The following FNTA variants were observed in gnomAD, a reference collection of about 807,000 sequenced individuals.
The protein encoded by FNTA is farnesyltransferase, CAAX box, subunit alpha.
FNTA carries 27 observed loss-of-function variants against 55.2 expected under a neutral mutation model. That is an observed-to-expected ratio of 0.49 (90% CI 0.36 to 0.67). The LOEUF is 0.67. Among genes scored for constraint, FNTA ranks in the 30% least tolerant of loss-of-function variants. FNTA has a pLI of 0.00. For missense variants in FNTA, 422 were observed against 464.7 expected (o/e 0.91, Z 0.85); for synonymous variants, 176 against 170.7 (o/e 1.03, Z -0.24).
intron 3 of FNTA, among the ~76,000 whole-genome samples, chr8:43,069,203 C>T (rs966409929): frequency 4.0e-5 from 6 of 151,776 alleles, no homozygotes. Context: ...GCAACCTCTG[C>T]CTCCTGGGTT....
At chr8:43,072,533 C>T (rs1050980906) in intron 5 of FNTA, among the ~76,000 whole-genome samples, 2 of 151,928 alleles carry the variant, frequency 1.3e-5, no homozygotes, top group Non-Finnish European at 2.9e-5. Flanking sequence ...TGAGATCAGC[C>T]TGGGCAACAA....
At chr8:43,061,603 A>G (rs1810531223) in intron 2 of FNTA, among the ~76,000 whole-genome samples, 6 of 152,232 alleles carry the variant, frequency 3.9e-5, no homozygotes, top group Admixed American at 3.9e-4. Flanking sequence ...TCATACAGTT[A>G]ATACTATATA....
intron 4 of FNTA, 70 bp downstream of exon 4, chr8:43,069,729 C>CT (rs1810744394): frequency 3.3e-6 from 3 of 898,054 alleles, no homozygotes. Context: ...ACTGCAGCCT[C>CT]TGCCTCCTGG....
intron 5 of FNTA, 42 bp downstream of exon 5, chr8:43,072,349 A>C: frequency 7.2e-7 from 1 of 1,391,484 alleles, no homozygotes; most frequent in Non-Finnish European, 9.6e-7. Flanking sequence ...TTTTTTTTTT[A>C]ACTGAACTAA....
chr8:43,061,869 G>A (rs1261470067), intron 2 of FNTA, among the ~76,000 whole-genome samples: 2 of 151,922 alleles, frequency 1.3e-5, no homozygotes, highest in South Asian at 2.1e-4. Flanking sequence ...ACAGGCTTGC[G>A]ACACCACACC....
chr8:43,063,019 G>A (rs1165643573), intron 2 of FNTA, among the ~76,000 whole-genome samples: 1 of 151,772 alleles, frequency 6.6e-6, no homozygotes, highest in East Asian at 1.9e-4. Flanking sequence ...TTGGGCTCAA[G>A]CAGTCCTTCT....
chr8:43,067,123 T>A (rs1337583345), intron 3 of FNTA, among the ~76,000 whole-genome samples: 1 of 152,228 alleles, frequency 6.6e-6, no homozygotes, highest in African/African-American at 2.4e-5. Context: ...TAACCCATTC[T>A]GCTTCAGATT....
intron 1 of FNTA, 185 bp from the exon 2 acceptor site, chr8:43,058,907 T>C (rs1563324942): frequency 4.8e-6 from 2 of 420,108 alleles, no homozygotes; most frequent in South Asian, 7.9e-5. Context: ...AATTTTACTT[T>C]AATAGTTTAA....
chr8:43,082,898 T>C (rs1289429868), intron 6 of FNTA: 1 of 297,202 alleles, frequency 3.4e-6, no homozygotes, highest in Non-Finnish European at 6.2e-6. Context: ...ATACAAAAAT[T>C]AGCTGGGTGT....
At chr8:43,060,338 A>C (rs1457337979) in intron 2 of FNTA, among the ~76,000 whole-genome samples, 1 of 152,194 alleles carries the variant, frequency 6.6e-6, no homozygotes, top group African/African-American at 2.4e-5. Context: ...ATATAATCAT[A>C]TGTTTCCATT....
At chr8:43,084,085 G>T (rs973296301) in intron 7 of FNTA, among the ~76,000 whole-genome samples, 1 of 151,006 alleles carries the variant, frequency 6.6e-6, no homozygotes, top group Non-Finnish European at 1.5e-5. Context: ...AAAAAAAAAA[G>T]AAGAACATCT....
At chr8:43,072,046 A>G (rs774710541) in intron 4 of FNTA, 135 bp from the exon 5 acceptor site, 125 of 545,878 alleles carry the variant, frequency 2.3e-4, no homozygotes, top group Non-Finnish European at 3.5e-4. Context: ...TTTTCTCCAC[A>G]GTGGAGTGTT....
chr8:43,056,526 G>A lies in FNTA; in HGVS notation c.180G>A (p.Ser60=), dbSNP rs1400721346. ...ACGACGGGTTTGTGAGCCTGGACTC[G>A]CCCTCCTATGTCCTGTACAGGTAAC... ...PMDDGFVSLD[S]PSYVLYRDRA... The change falls in exon 1 of 9, where the codon TCG becomes TCA. Residue 60 remains serine, a synonymous_variant. Transcript: ENST00000302279. The A allele has an allele frequency of 6.4e-7, 1 of 1,555,750 alleles. No individual in the cohort carries two copies. The highest frequency in any genetic ancestry group is 8.7e-7 in the Non-Finnish European group (1 of 1,154,558).
intron 3 of FNTA, among the ~76,000 whole-genome samples, chr8:43,068,481 T>C (rs1408335419): frequency 6.6e-6 from 1 of 152,196 alleles, no homozygotes; most frequent in Non-Finnish European, 1.5e-5. Flanking sequence ...AGTAGCATTT[T>C]TGTGGTTGTT....
At chr8:43,059,018 C>A (rs1013346753) in intron 1 of FNTA, 74 bp from the exon 2 acceptor site, 2 of 1,082,106 alleles carry the variant, frequency 1.8e-6, no homozygotes, top group Non-Finnish European at 2.8e-6. Flanking sequence ...TAATTATTGT[C>A]ATTTTAAAAA....
At chr8:43,071,964 T>G (rs1172892043) in intron 4 of FNTA, among the ~76,000 whole-genome samples, 2 of 152,234 alleles carry the variant, frequency 1.3e-5, no homozygotes, top group Non-Finnish European at 2.9e-5. Flanking sequence ...ATTTCATGGT[T>G]GTTGAAAGAT....
rs1434693008 is a variant in FNTA at position 43,056,373 on chromosome 8, G to A, written c.27G>A (p.Glu9=). 6.8e-7 allele frequency: 1 copy of A among 1,464,360 alleles called. No homozygotes were observed. 90.7% of individuals were successfully genotyped at this position (1,464,360 alleles called of 1,614,324 possible). A position where few individuals can be genotyped will look rare whatever the true frequency, so the allele number is the denominator to read the frequency against. ...TGGCGGCCACCGAGGGGGTCGGGGAGGCTGCGCAAGGGGGCGAGCCCGGGC... is the reference window on the plus strand; with the variant it reads ...TGGCGGCCACCGAGGGGGTCGGGGAAGCTGCGCAAGGGGGCGAGCCCGGGC... MAATEGVG[E]AAQGGEPGQP... Residue 9 remains glutamate (E), a synonymous_variant, in exon 1 of 9, where the codon GAG becomes GAA. Coordinates refer to ENST00000302279, the MANE Select transcript of FNTA (RefSeq NM_002027.3).
chr8:43,076,255 G>A (rs912798315), intron 5 of FNTA, among the ~76,000 whole-genome samples: 3 of 152,012 alleles, frequency 2.0e-5, no homozygotes, highest in Admixed American at 1.3e-4. Flanking sequence ...TGTTGGCCAG[G>A]TTGGTCTCAA....
intron 6 of FNTA, chr8:43,082,227 A>C (rs536558232): frequency 6.6e-6 from 1 of 152,360 alleles, no homozygotes; most frequent in Non-Finnish European, 1.5e-5. Context: ...AATTATATTT[A>C]ATCTGTTTAA....
Sources: allele counts gnomAD v4.1 joint callset (sites outside exome capture counted in the v4.1 genomes callset), GRCh38; gene constraint gnomAD v4.1.1; transcripts MANE v1.5; gene names NCBI Gene and HGNC (gene_info 2026-07-23, HGNC 2026-07-21).